The following DUT variants were observed in gnomAD, a reference collection of about 807,000 sequenced individuals.
DUT encodes deoxyuridine 5'-triphosphate nucleotidohydrolase, mitochondrial.
DUT carries 21 observed loss-of-function variants against 28.8 expected under a neutral mutation model. That is an observed-to-expected ratio of 0.73 (90% CI 0.52 to 1.05). DUT has a LOEUF of 1.05. Among genes scored for constraint, DUT ranks in the 50% least tolerant of loss-of-function variants. The pLI is 0.00. For synonymous variants in DUT, 147 were observed against 143.7 expected (o/e 1.02, Z -0.17); for missense variants, 344 against 351.8 (o/e 0.98, Z 0.18).
At chr15:48,332,167 G>T in intron 1 of DUT, 101 bp from the exon 2 acceptor site, 2 of 1,447,624 alleles carry the variant, frequency 1.4e-6, no homozygotes, top group South Asian at 2.9e-5. Flanking sequence ...GGGAAATTTC[G>T]GTTTTGGCGC....
chr15:48,334,733 C>G (rs759979962), intron 3 of DUT, among the ~76,000 whole-genome samples: 5 of 152,208 alleles, frequency 3.3e-5, no homozygotes, highest in Non-Finnish European at 7.3e-5. Flanking sequence ...CTTTTAGGCT[C>G]ACACTGGCCT....
At chr15:48,341,963 G>A in intron 6 of DUT, 59 bp from the exon 7 acceptor site, 1 of 1,336,728 alleles carries the variant, frequency 7.5e-7, no homozygotes. Context: ...AGCTGGAGAG[G>A]AAAACTGAAA....
At chr15:48,336,618 A>G (rs2042478471) in intron 4 of DUT, among the ~76,000 whole-genome samples, 1 of 151,956 alleles carries the variant, frequency 6.6e-6, no homozygotes, top group South Asian at 2.1e-4. Flanking sequence ...ATACAGAGCT[A>G]CTCCTCTTAT....
intron 2 of DUT, 65 bp from the exon 3 acceptor site, chr15:48,334,352 C>A: frequency 8.7e-7 from 1 of 1,151,388 alleles, no homozygotes; most frequent in Non-Finnish European, 1.2e-6. Flanking sequence ...TGCTTGGTCA[C>A]AAAGAAAATA....
At position 48,332,080 on chromosome 15, in the gene DUT, A is replaced by T. The variant is rs903549427; in HGVS notation, c.281-188A>T. 3.1e-6 allele frequency: 4 copies of T among 1,290,700 alleles called. No individual in the cohort carries two copies. In the African/African-American group the frequency reaches 6.3e-5, roughly 20 times the overall value. 80.0% of individuals were successfully genotyped at this position (1,290,700 alleles called of 1,614,324 possible). Reference sequence around the variant, plus strand: ...TTCCGAGAAGGGCTTCAAACCCAAAATGTGAATCCCGCCTCCCCTCTCAGC... The same window carrying T: ...TTCCGAGAAGGGCTTCAAACCCAAATTGTGAATCCCGCCTCCCCTCTCAGC... On this transcript the variant is annotated intron_variant, in intron 1 of 6. Coordinates refer to ENST00000331200, the MANE Select transcript of DUT (RefSeq NM_001025248.2).
At chr15:48,339,157 T>C (rs1466997261) in intron 4 of DUT, among the ~76,000 whole-genome samples, 2 of 152,062 alleles carry the variant, frequency 1.3e-5, no homozygotes, top group Non-Finnish European at 2.9e-5. Context: ...TATTTCCATA[T>C]CTTGTATCTA....
intron 4 of DUT, among the ~76,000 whole-genome samples, chr15:48,337,688 G>A (rs1447576695): frequency 6.6e-6 from 1 of 152,182 alleles, no homozygotes. Flanking sequence ...GTAAAAGAAT[G>A]GAAAGTTAGT....
rs190555788 is a variant in DUT, at chr15:48,334,405, A to G, written c.420-12A>G. ...ATAGATTTGCAGTTATTTTCTTTCA[A>G]TATTTTCTTAGTGCCTATGATTACA... On this transcript the variant is annotated splice_polypyrimidine_tract_variant and intron_variant, in intron 2 of 6. Coordinates refer to ENST00000331200, the MANE Select transcript of DUT (RefSeq NM_001025248.2). 6 of 1,515,128 alleles carry G rather than the reference A, an allele frequency of 4.0e-6. No individual in the cohort carries two copies. Among genetic ancestry groups the G allele is most frequent in the East Asian group, 2.3e-5 (1 of 43,626 alleles). The allele number at this position is 1,515,128 out of a possible 1,614,324, so 93.9% of individuals were successfully genotyped here.
At position 48,331,473 on chromosome 15, in the gene DUT, T is replaced by A. The variant is rs2042407071; in HGVS notation, c.-43T>A. On this transcript the variant is annotated 5_prime_UTR_variant, in exon 1 of 7. Transcript: ENST00000331200. Reference sequence around the variant, plus strand: ...CTTCAGGGTGGAAGCCTGGCGCACGTCCGGAGGTGCCGAGGACCCAACCAG... The same window carrying A: ...CTTCAGGGTGGAAGCCTGGCGCACGACCGGAGGTGCCGAGGACCCAACCAG... 6.2e-7 allele frequency: 1 copy of A among 1,606,808 alleles called. No homozygotes were observed. Among genetic ancestry groups the A allele is most frequent in the Non-Finnish European group, 8.5e-7 (1 of 1,177,278 alleles).
chr15:48,336,621 C>A (rs2042478568), intron 4 of DUT, among the ~76,000 whole-genome samples: 1 of 152,300 alleles, frequency 6.6e-6, no homozygotes, highest in South Asian at 2.1e-4. Flanking sequence ...CAGAGCTACT[C>A]CTCTTATTGT....
At chr15:48,332,801 A>T in intron 2 of DUT, 1 of 475,534 alleles carries the variant, frequency 2.1e-6, no homozygotes, top group South Asian at 1.5e-5. Context: ...ATCTGCCTTA[A>T]AAAGTTATTT....
chr15:48,341,978 C>A, intron 6 of DUT, 44 bp from the exon 7 acceptor site: 1 of 1,465,262 alleles, frequency 6.8e-7, no homozygotes, highest in Non-Finnish European at 9.3e-7. Flanking sequence ...CTGAAAGAGG[C>A]TCTTAAAAAA....
intron 4 of DUT, among the ~76,000 whole-genome samples, chr15:48,340,934 G>GA (rs1376352941): frequency 6.6e-6 from 1 of 152,132 alleles, no homozygotes; most frequent in Non-Finnish European, 1.5e-5. Flanking sequence ...CTGATACCAG[G>GA]AAAAACCTTT....
chr15:48,331,263 A>T, upstream of DUT: 1 of 1,461,336 alleles, frequency 6.8e-7, no homozygotes, highest in Non-Finnish European at 9.0e-7. Flanking sequence ...AGCAAACAAG[A>T]AGAGCGAAAG....
At chr15:48,340,763 A>T (rs1266298882) in intron 4 of DUT, among the ~76,000 whole-genome samples, 2 of 152,206 alleles carry the variant, frequency 1.3e-5, no homozygotes, top group Non-Finnish European at 2.9e-5. Flanking sequence ...TATGAACTGA[A>T]AAATACAGCT....
At chr15:48,332,484 G>A (rs2042429404) in intron 2 of DUT, 78 bp downstream of exon 2, 15 of 1,274,408 alleles carry the variant, frequency 1.2e-5, no homozygotes, top group Non-Finnish European at 1.5e-5. Flanking sequence ...TCACCGGAGA[G>A]ATCACAGGAA....
chr15:48,339,814 C>T (rs28381135), intron 4 of DUT, among the ~76,000 whole-genome samples: 7 of 152,160 alleles, frequency 4.6e-5, no homozygotes, highest in African/African-American at 1.7e-4. Context: ...AATTCAGATT[C>T]ACTTGTCCCT....
intron 4 of DUT, among the ~76,000 whole-genome samples, chr15:48,339,950 C>T (rs992039060): frequency 3.3e-5 from 5 of 152,016 alleles, no homozygotes. Context: ...CTTTTTTCCC[C>T]CCATTATATG....
upstream of DUT, chr15:48,331,333 C>A (rs2042404261): frequency 6.9e-7 from 1 of 1,444,004 alleles, no homozygotes; most frequent in Non-Finnish European, 9.1e-7. Context: ...GCGCCGTCTT[C>A]CTGGGGCCCC....
Sources: allele counts gnomAD v4.1 joint callset (sites outside exome capture counted in the v4.1 genomes callset), GRCh38; gene constraint gnomAD v4.1.1; transcripts MANE v1.5; gene names NCBI Gene and HGNC (gene_info 2026-07-23, HGNC 2026-07-21).